The following SAP30BP variants were observed in gnomAD, a reference collection of about 807,000 sequenced individuals.
The protein encoded by SAP30BP is SAP30-binding protein.
In SAP30BP, 31 loss-of-function variants were observed where a neutral mutation model predicts 46.3. The ratio of observed to expected loss-of-function variants is 0.67; its 90% confidence interval spans 0.50 to 0.90. SAP30BP has a LOEUF of 0.90. Among genes scored for constraint, SAP30BP ranks in the 40% least tolerant of loss-of-function variants. The probability of loss-of-function intolerance (pLI) is 0.00; values close to 1 mark genes in which losing one functional copy is unlikely to be tolerated. For synonymous variants in SAP30BP, 169 were observed against 144.2 expected, an observed-to-expected ratio of 1.17 and a Z score of -1.23; for missense variants, 312 against 391.0, an observed-to-expected ratio of 0.80 and a Z score of 1.70.
Position 75,706,373 on chromosome 17 carries a change from C to T in SAP30BP, c.779C>T (p.Ala260Val). ...AQKRKSKWDS[A>V]IPVTTIAQPT... ...AAGAGAAAGAGCAAGTGGGATTCGG[C>T]TATCCCAGTGACAACGATAGCCCAG... The change falls in exon 11 of 11, where the codon GCT becomes GTT. Residue 260 changes from alanine (A) to valine (V), a missense_variant. Transcript: ENST00000584667. The surrounding 1 kb of genome is among the most constrained non-coding windows in gnomAD (Gnocchi z 4.6). 1 of 1,613,938 alleles carries T rather than the reference C, an allele frequency of 6.2e-7. No individual in the cohort carries two copies. Among genetic ancestry groups the T allele is most frequent in the Non-Finnish European group, 8.5e-7 (1 of 1,180,004 alleles).
intron 8 of SAP30BP, 30 bp from the exon 9 acceptor site, chr17:75,704,725 AC>A: frequency 6.3e-7 from 1 of 1,587,242 alleles, no homozygotes; most frequent in East Asian, 2.2e-5. Flanking sequence ...CTCGGGGGCC[AC>A]CTTTGTAACA....
chr17:75,671,954 C>T lies in SAP30BP; in HGVS notation c.264+91C>T, dbSNP rs1042768749. 20 of 1,024,492 alleles carry T rather than the reference C, an allele frequency of 2.0e-5. No individual in the cohort carries two copies. In the African/African-American group the frequency reaches 2.0e-4, roughly 10 times the overall value. 63.5% of individuals were successfully genotyped at this position (1,024,492 alleles called of 1,614,324 possible). ...TCGTATGTTTGGTCAAGATCTGTCC[C>T]ACTGACAAACTGTGCAACTGTGTGG... On this transcript the variant is annotated intron_variant, in intron 3 of 10. Coordinates refer to ENST00000584667, the MANE Select transcript of SAP30BP (RefSeq NM_013260.8).
At chr17:75,705,564 G>A in intron 9 of SAP30BP, 1 of 976,684 alleles carries the variant, frequency 1.0e-6, no homozygotes, top group Non-Finnish European at 1.2e-6. Flanking sequence ...CTTAACCCTT[G>A]ATTGAATCTC....
chr17:75,706,233 G>A lies in SAP30BP; in HGVS notation c.746-107G>A. 1 of 1,544,982 alleles carries A rather than the reference G, an allele frequency of 6.5e-7. No individual in the cohort carries two copies. The stretch of plus-strand genomic sequence containing the variant: ...AGAAGCACCTTTGGAGTCTGGGGTG[G>A]GCCACTTCGGGGTCTGCTCCCTAGA... On this transcript the variant is annotated intron_variant, in intron 10 of 10. Transcript: ENST00000584667. This position sits in a 1 kb window ranked among gnomAD's most constrained non-coding sequence, Gnocchi z 4.6.
chr17:75,679,386 C>T (rs1420808000), intron 3 of SAP30BP: 1 of 152,106 alleles, frequency 6.6e-6, no homozygotes, highest in East Asian at 1.9e-4. Flanking sequence ...CCCTGGGAAC[C>T]CCCTAGGAAA....
At chr17:75,705,847 T>G (rs1042747864) in intron 9 of SAP30BP, 161 bp from the exon 10 acceptor site, 1 of 1,148,364 alleles carries the variant, frequency 8.7e-7, no homozygotes, top group Non-Finnish European at 1.2e-6. Context: ...TTTGGGTTCT[T>G]CTTAGACATC....
chr17:75,692,095 T>C, intron 3 of SAP30BP: 4 of 402,634 alleles, frequency 9.9e-6, no homozygotes, highest in Non-Finnish European at 1.3e-5. Context: ...GATGGGTTGC[T>C]AAGCAGCCTG....
At chr17:75,701,874 G>A (rs1443928688) in intron 5 of SAP30BP, among the ~76,000 whole-genome samples, 1 of 152,066 alleles carries the variant, frequency 6.6e-6, no homozygotes, top group Admixed American at 6.5e-5. Flanking sequence ...TTTTCTCTAT[G>A]GCTCCTCTGC....
intron 3 of SAP30BP, among the ~76,000 whole-genome samples, chr17:75,681,245 C>T (rs1290382383): frequency 6.6e-6 from 1 of 152,104 alleles, no homozygotes; most frequent in Non-Finnish European, 1.5e-5. Flanking sequence ...GCTGGGTTAC[C>T]CCAGGTAGTA....
intron 4 of SAP30BP, among the ~76,000 whole-genome samples, chr17:75,699,100 G>T (rs2060366234): frequency 6.6e-6 from 1 of 152,226 alleles, no homozygotes; most frequent in East Asian, 1.9e-4. Context: ...GCTGAGACAG[G>T]AGTTCGAGGT....
Position 75,706,698 on chromosome 17 carries a change from G to A in SAP30BP, c.*177G>A. ...GGCAGCACGGGAGCCAGGCGCTGTG[G>A]ACAGGGTCTGTCCACGCACCACCTG... On this transcript the variant is annotated 3_prime_UTR_variant, in exon 11 of 11. Coordinates refer to ENST00000584667, the MANE Select transcript of SAP30BP (RefSeq NM_013260.8). The surrounding 1 kb of genome is among the most constrained non-coding windows in gnomAD (Gnocchi z 4.6). 1 of 626,924 alleles carries A rather than the reference G, an allele frequency of 1.6e-6. No individual in the cohort carries two copies. The highest frequency in any genetic ancestry group is 1.9e-5 in the South Asian group (1 of 51,562). 38.8% of individuals were successfully genotyped at this position (626,924 alleles called of 1,614,324 possible). A position where few individuals can be genotyped will look rare whatever the true frequency, so the allele number is the denominator to read the frequency against.
chr17:75,676,557 G>A (rs982298945), intron 3 of SAP30BP, among the ~76,000 whole-genome samples: 3 of 152,198 alleles, frequency 2.0e-5, no homozygotes, highest in African/African-American at 7.2e-5. Flanking sequence ...TTGAGAAAAT[G>A]TCTGCCAAAT....
chr17:75,690,979 A>G (rs945715961), intron 3 of SAP30BP, among the ~76,000 whole-genome samples: 8 of 152,188 alleles, frequency 5.3e-5, no homozygotes, highest in African/African-American at 1.4e-4. Flanking sequence ...ATTTGGTTTA[A>G]TGGGTCCTCG....
At chr17:75,675,797 G>T (rs2059981081) in intron 3 of SAP30BP, among the ~76,000 whole-genome samples, 1 of 152,012 alleles carries the variant, frequency 6.6e-6, no homozygotes, top group South Asian at 2.1e-4. Flanking sequence ...CATGCCTCTA[G>T]TCCCAGCTAC....
At chr17:75,704,929 C>A in intron 9 of SAP30BP, 115 bp downstream of exon 9, 1 of 804,580 alleles carries the variant, frequency 1.2e-6, no homozygotes, top group Non-Finnish European at 2.2e-6. Flanking sequence ...TGTCATCACC[C>A]GGCGATGCTC....
chr17:75,699,911 A>G, intron 5 of SAP30BP, 40 bp downstream of exon 5: 1 of 1,424,708 alleles, frequency 7.0e-7, no homozygotes, highest in South Asian at 1.2e-5. Flanking sequence ...GATAGATTAG[A>G]TAGCCTGGGT....
intron 3 of SAP30BP, among the ~76,000 whole-genome samples, chr17:75,680,496 C>T (rs185210345): frequency 3.3e-5 from 5 of 152,234 alleles, no homozygotes; most frequent in Admixed American, 1.3e-4. Flanking sequence ...AAGCTTCACT[C>T]GGCTCCATTT....
rs183833552 is a variant in SAP30BP, at chr17:75,693,710, G to A, written c.307+228G>A. Among the ~76,000 whole-genome samples the A allele has an allele frequency of 1.7e-4, 26 of 152,310 alleles. No individual in the cohort carries two copies. The East Asian group carries it at 4.8e-3, about 28-fold the overall frequency. On this transcript the variant is annotated intron_variant, in intron 4 of 10. Coordinates refer to ENST00000584667, the MANE Select transcript of SAP30BP (RefSeq NM_013260.8). ...TTGTGGTGTGTTTTAATGGGCTTTG[G>A]TCGGTTGCCAGCGCTGTCAAGAGGG...
rs746584407 is a variant in SAP30BP, at chr17:75,706,512, C to G, written c.918C>G (p.Ala306=). 1.2e-6 allele frequency: 2 copies of G among 1,614,008 alleles called. No homozygotes were observed. The highest frequency in any genetic ancestry group is 2.7e-5 in the African/African-American group (2 of 75,046). The stretch of plus-strand genomic sequence containing the variant: ...CTGTGGGCACCATTGTGAAGAAGGC[C>G]AAGCAGTGACCTGAGGGGCCACCCT... The part of the protein sequence containing the change: ...ISAVGTIVKK[A]KQ The change falls in exon 11 of 11, where the codon GCC becomes GCG. Residue 306 remains alanine, a synonymous_variant. Coordinates refer to ENST00000584667, the MANE Select transcript of SAP30BP (RefSeq NM_013260.8). This position sits in a 1 kb window ranked among gnomAD's most constrained non-coding sequence, Gnocchi z 4.6.
Sources: allele counts gnomAD v4.1 joint callset (sites outside exome capture counted in the v4.1 genomes callset), GRCh38; gene constraint gnomAD v4.1.1; non-coding constraint Gnocchi (gnomAD v3.1); transcripts MANE v1.5; gene names NCBI Gene and HGNC (gene_info 2026-07-23, HGNC 2026-07-21).